The following USH2A variants were observed in gnomAD, a reference collection of about 807,000 sequenced individuals.
The protein encoded by USH2A is usherin.
USH2A carries 443 observed loss-of-function variants against 538.9 expected under a neutral mutation model. That is an observed-to-expected ratio of 0.82 (90% CI 0.76 to 0.89). The LOEUF is 0.89. USH2A is among the 40% of genes least tolerant of loss of function. The probability of loss-of-function intolerance (pLI) is 0.00; values close to 1 mark genes in which losing one functional copy is unlikely to be tolerated. For missense variants in USH2A, 6,633 were observed against 6,324.8 expected (o/e 1.05, Z -1.65); for synonymous variants, 2,413 against 2,273.5 (o/e 1.06, Z -1.75).
chr1:215,970,263 T>A (rs1409694466), intron 36 of USH2A, among the ~76,000 whole-genome samples: 1 of 152,134 alleles, frequency 6.6e-6, no homozygotes, highest in East Asian at 1.9e-4. Context: ...TTTCAATTAT[T>A]TTTACTTCTT....
chr1:215,876,915 A>C (rs1664787945), intron 43 of USH2A, among the ~76,000 whole-genome samples: 1 of 152,186 alleles, frequency 6.6e-6, no homozygotes, highest in Admixed American at 6.5e-5. Context: ...TAGAATGGTA[A>C]ACAGGGTTCA....
intron 4 of USH2A, among the ~76,000 whole-genome samples, chr1:216,364,529 T>A (rs1457976365): frequency 6.6e-6 from 1 of 152,136 alleles, no homozygotes; most frequent in African/African-American, 2.4e-5. Flanking sequence ...CAGGGTGAGA[T>A]CCTCCTGACT....
chr1:215,901,708 AC>A (rs762857795), intron 38 of USH2A, among the ~76,000 whole-genome samples: 1 of 152,124 alleles, frequency 6.6e-6, no homozygotes, highest in Non-Finnish European at 1.5e-5. Context: ...AATGTGTAAA[AC>A]TAAAGCCTAT....
At chr1:215,965,232 A>G in intron 37 of USH2A, 85 bp downstream of exon 37, 1 of 1,445,562 alleles carries the variant, frequency 6.9e-7, no homozygotes, top group South Asian at 1.2e-5. Flanking sequence ...GGCTAAAAGA[A>G]AGATTTTAGC....
chr1:216,099,379 C>A (rs374808397), intron 21 of USH2A, among the ~76,000 whole-genome samples: 1 of 152,114 alleles, frequency 6.6e-6, no homozygotes, highest in Non-Finnish European at 1.5e-5. Flanking sequence ...CACACTTGGA[C>A]TCCTGCTACT....
chr1:216,065,774 G>C (rs1394336699), intron 30 of USH2A, among the ~76,000 whole-genome samples: 1 of 152,090 alleles, frequency 6.6e-6, no homozygotes, highest in African/African-American at 2.4e-5. Context: ...ATGCACACCT[G>C]AAATCCCAGC....
intron 56 of USH2A, among the ~76,000 whole-genome samples, chr1:215,763,481 C>G (rs929032941): frequency 2.0e-5 from 3 of 150,704 alleles, no homozygotes; most frequent in Non-Finnish European, 4.4e-5. Context: ...GAGGGGAACC[C>G]ACATAAAGTC....
At chr1:216,186,605 T>A (rs1391538785) in intron 20 of USH2A, among the ~76,000 whole-genome samples, 1 of 151,962 alleles carries the variant, frequency 6.6e-6, no homozygotes, top group Non-Finnish European at 1.5e-5. Context: ...GATTATAACC[T>A]ATAGCATTAG....
chr1:215,785,759 A>G (rs552508545), intron 52 of USH2A, among the ~76,000 whole-genome samples: 4 of 152,260 alleles, frequency 2.6e-5, no homozygotes, highest in Admixed American at 6.5e-5. Context: ...CTCTTATCTT[A>G]GTAGCCTGCC....
chr1:216,275,256 T>C (rs1469463149), intron 11 of USH2A, among the ~76,000 whole-genome samples: 2 of 152,060 alleles, frequency 1.3e-5, no homozygotes, highest in Non-Finnish European at 2.9e-5. Context: ...ATTTCATAAA[T>C]GTCATCTGAA....
chr1:216,368,903 T>G (rs936126133), intron 3 of USH2A, among the ~76,000 whole-genome samples: 1 of 152,168 alleles, frequency 6.6e-6, no homozygotes, highest in African/African-American at 2.4e-5. Flanking sequence ...AGGGCCTCAT[T>G]TAAAGCAAAA....
intron 26 of USH2A, among the ~76,000 whole-genome samples, chr1:216,080,480 G>C (rs1464242306): frequency 6.6e-6 from 1 of 151,976 alleles, no homozygotes; most frequent in African/African-American, 2.4e-5. Flanking sequence ...TTTGTAGAAA[G>C]GTGTGGTAGG....
At chr1:216,268,291 A>C (rs2036512851) in intron 11 of USH2A, among the ~76,000 whole-genome samples, 1 of 152,110 alleles carries the variant, frequency 6.6e-6, no homozygotes, top group Non-Finnish European at 1.5e-5. Context: ...ATTACTAGCC[A>C]CAGAATTAAC....
intron 27 of USH2A, among the ~76,000 whole-genome samples, chr1:216,074,453 C>T (rs2031680921): frequency 6.6e-6 from 1 of 152,034 alleles, no homozygotes; most frequent in Non-Finnish European, 1.5e-5. Flanking sequence ...TAATGAAATG[C>T]ATAACAGTAA....
chr1:215,849,867 A>T (rs1663970937), intron 44 of USH2A, among the ~76,000 whole-genome samples: 1 of 152,196 alleles, frequency 6.6e-6, no homozygotes, highest in African/African-American at 2.4e-5. Flanking sequence ...ATGGTTACTT[A>T]TGTGTAAAAA....
chr1:215,954,663 A>G (rs1258750943), intron 37 of USH2A, among the ~76,000 whole-genome samples: 1 of 152,022 alleles, frequency 6.6e-6, no homozygotes, highest in African/African-American at 2.4e-5. Context: ...ATGTATACAT[A>G]TGTAACTAAC....
chr1:216,041,030 T>C (rs1291348413), intron 32 of USH2A, among the ~76,000 whole-genome samples: 2 of 152,028 alleles, frequency 1.3e-5, no homozygotes, highest in African/African-American at 2.4e-5. Flanking sequence ...TTCATATTAT[T>C]AGTAATACAT....
chr1:216,057,831 G>A (rs1167235779), intron 30 of USH2A, among the ~76,000 whole-genome samples: 4 of 152,158 alleles, frequency 2.6e-5, no homozygotes, highest in Non-Finnish European at 5.9e-5. Context: ...TTGTGGCAAA[G>A]ATTACTAATT....
intron 4 of USH2A, among the ~76,000 whole-genome samples, chr1:216,330,204 C>T (rs916012218): frequency 2.1e-4 from 32 of 152,100 alleles, no homozygotes; most frequent in African/African-American, 5.6e-4. Flanking sequence ...GGCACTTTCA[C>T]GAGTGCCAAA....
Sources: allele counts gnomAD v4.1 joint callset (sites outside exome capture counted in the v4.1 genomes callset), GRCh38; gene constraint gnomAD v4.1.1; transcripts MANE v1.5; gene names NCBI Gene and HGNC (gene_info 2026-07-23, HGNC 2026-07-21).